Variants in CLSTN2 observed in about 807,000 individuals in gnomAD.
CLSTN2 encodes calsyntenin-2.
In CLSTN2, 48 loss-of-function variants were observed where a neutral mutation model predicts 101.2. The ratio of observed to expected loss-of-function variants is 0.47; its 90% CI spans 0.38 to 0.60. CLSTN2 has a LOEUF of 0.60. CLSTN2 is among the 20% of genes least tolerant of loss of function. CLSTN2 has a pLI of 0.00. For synonymous variants in CLSTN2, 481 were observed against 463.6 expected, an observed-to-expected ratio of 1.04 and a Z score of -0.48; for missense variants, 1,160 against 1,238.2, an observed-to-expected ratio of 0.94 and a Z score of 0.95.
At chr3:140,352,509 A>G (rs1294213749) in intron 2 of CLSTN2, among the ~76,000 whole-genome samples, 4 of 152,232 alleles carry the variant, frequency 2.6e-5, no homozygotes, top group Non-Finnish European at 4.4e-5. Flanking sequence ...GGATTCTGGA[A>G]CAATTACCTT....
intron 2 of CLSTN2, among the ~76,000 whole-genome samples, chr3:140,274,230 C>G (rs2086772967): frequency 6.6e-6 from 1 of 152,126 alleles, no homozygotes; most frequent in Non-Finnish European, 1.5e-5. Flanking sequence ...GGTTAACACT[C>G]TGCTTCCTAG....
chr3:140,049,311 T>C (rs901757932), intron 1 of CLSTN2, among the ~76,000 whole-genome samples: 1 of 152,138 alleles, frequency 6.6e-6, no homozygotes, highest in Non-Finnish European at 1.5e-5. Context: ...AAACCATCTT[T>C]TAAGGAGAGT....
chr3:139,990,773 T>C (rs1257025208), intron 1 of CLSTN2, among the ~76,000 whole-genome samples: 1 of 152,206 alleles, frequency 6.6e-6, no homozygotes, highest in Non-Finnish European at 1.5e-5. Context: ...CTAGACAAGA[T>C]GCCCTTGTAG....
At chr3:140,294,111 A>G (rs1278646429) in intron 2 of CLSTN2, among the ~76,000 whole-genome samples, 1 of 152,186 alleles carries the variant, frequency 6.6e-6, no homozygotes, top group African/African-American at 2.4e-5. Flanking sequence ...ACAGCATGTT[A>G]TAGCAAATGG....
intron 2 of CLSTN2, among the ~76,000 whole-genome samples, chr3:140,393,777 T>C (rs1233873838): frequency 6.6e-6 from 1 of 152,202 alleles, no homozygotes; most frequent in Non-Finnish European, 1.5e-5. Flanking sequence ...CTACTCCTGC[T>C]TGACAGTGGG....
chr3:140,017,492 G>A (rs1053160846), intron 1 of CLSTN2, among the ~76,000 whole-genome samples: 3 of 152,206 alleles, frequency 2.0e-5, no homozygotes, highest in African/African-American at 7.2e-5. Flanking sequence ...TGACTATGTG[G>A]TTTCAACATT....
intron 2 of CLSTN2, among the ~76,000 whole-genome samples, chr3:140,215,357 A>C (rs1197983335): frequency 3.3e-5 from 5 of 152,258 alleles, no homozygotes; most frequent in Non-Finnish European, 7.3e-5. Flanking sequence ...GGAATAAAAC[A>C]GTTTCTTTGG....
intron 2 of CLSTN2, among the ~76,000 whole-genome samples, chr3:140,399,722 T>G (rs2088220052): frequency 6.6e-6 from 1 of 152,174 alleles, no homozygotes; most frequent in South Asian, 2.1e-4. Context: ...TTTTTCAACT[T>G]TTATCTTAGA....
At chr3:140,349,093 G>A (rs2087580563) in intron 2 of CLSTN2, among the ~76,000 whole-genome samples, 5 of 152,182 alleles carry the variant, frequency 3.3e-5, no homozygotes, top group Admixed American at 3.3e-4. Flanking sequence ...TAGTGAGCGA[G>A]TTCTTATGAG....
chr3:140,111,321 T>C (rs1408276610), intron 1 of CLSTN2, among the ~76,000 whole-genome samples: 2 of 152,170 alleles, frequency 1.3e-5, no homozygotes, highest in Non-Finnish European at 2.9e-5. Context: ...AATCTCTGAG[T>C]CCATGCTGAA....
intron 1 of CLSTN2, among the ~76,000 whole-genome samples, chr3:139,982,098 C>T (rs957547586): frequency 1.3e-5 from 2 of 152,086 alleles, no homozygotes; most frequent in African/African-American, 4.8e-5. Flanking sequence ...TCAGGAGAAG[C>T]CAAATTTACT....
Position 140,572,570 on chromosome 3 carries a change from C to T in CLSTN2, c.*6317C>T, listed in dbSNP as rs1467570105. On this transcript the variant is annotated 3_prime_UTR_variant, in exon 17 of 17. Transcript: ENST00000458420. ...TGAAGATCTAAGGAGGGCCCACCTC[C>T]ACGAGACCTGCTGAGGGCTTACATT... The T allele has an allele frequency of 6.6e-6, 1 of 152,262 alleles. No individual in the cohort carries two copies. Among genetic ancestry groups the T allele is most frequent in the Admixed American group, 6.5e-5 (1 of 15,292 alleles). 9.4% of individuals were successfully genotyped at this position (152,262 alleles called of 1,614,324 possible).
intron 8 of CLSTN2, among the ~76,000 whole-genome samples, chr3:140,495,494 T>G (rs1934447185): frequency 6.6e-6 from 1 of 152,212 alleles, no homozygotes; most frequent in Non-Finnish European, 1.5e-5. Flanking sequence ...ATTTTTGCTT[T>G]TGTTGCAATT....
chr3:140,073,964 C>T (rs1262924029), intron 1 of CLSTN2, among the ~76,000 whole-genome samples: 1 of 152,136 alleles, frequency 6.6e-6, no homozygotes, highest in African/African-American at 2.4e-5. Flanking sequence ...CTCTGGTGGT[C>T]AAGGAAGGCT....
At chr3:140,287,342 A>T (rs1320400293) in intron 2 of CLSTN2, among the ~76,000 whole-genome samples, 2 of 152,182 alleles carry the variant, frequency 1.3e-5, no homozygotes, top group Non-Finnish European at 2.9e-5. Context: ...ATCTCTCAAG[A>T]CAGAAAGCAG....
At chr3:140,530,970 C>G (rs796755783) in intron 8 of CLSTN2, among the ~76,000 whole-genome samples, 2 of 152,152 alleles carry the variant, frequency 1.3e-5, no homozygotes, top group Non-Finnish European at 2.9e-5. Context: ...TCTTTGGGTT[C>G]GGTGCTTGAT....
intron 1 of CLSTN2, among the ~76,000 whole-genome samples, chr3:140,006,813 G>GA (rs2006968060): frequency 6.6e-6 from 1 of 151,870 alleles, no homozygotes; most frequent in Non-Finnish European, 1.5e-5. Flanking sequence ...TTGGTACTCA[G>GA]TAAATAGTAG....
At chr3:140,509,366 C>G (rs1934753741) in intron 8 of CLSTN2, among the ~76,000 whole-genome samples, 1 of 152,154 alleles carries the variant, frequency 6.6e-6, no homozygotes, top group South Asian at 2.1e-4. Flanking sequence ...AGCCCTGCTC[C>G]TGGAGTTTCT....
At chr3:140,114,830 C>A (rs2009214301) in intron 1 of CLSTN2, among the ~76,000 whole-genome samples, 1 of 152,122 alleles carries the variant, frequency 6.6e-6, no homozygotes, top group Non-Finnish European at 1.5e-5. Context: ...GCACAGCGAC[C>A]TTCACCTCTG....
Sources: allele counts gnomAD v4.1 joint callset (sites outside exome capture counted in the v4.1 genomes callset), GRCh38; gene constraint gnomAD v4.1.1; transcripts MANE v1.5; gene names NCBI Gene and HGNC (gene_info 2026-07-23, HGNC 2026-07-21).